IREB2: variants seen among roughly 807,000 people sequenced by gnomAD.
IREB2 encodes iron-responsive element-binding protein 2.
Under a neutral mutation model 118.8 loss-of-function variants are expected in IREB2, and 39 were observed. The observed-to-expected ratio is 0.33, with a 90% CI of 0.25 to 0.43. The LOEUF is 0.43. Among genes scored for constraint, IREB2 ranks in the 20% least tolerant of loss-of-function variants. The pLI is 1.00. For missense variants in IREB2, 900 were observed against 1,147.3 expected, an observed-to-expected ratio of 0.78 and a Z score of 3.11; for synonymous variants, 372 against 392.2, an observed-to-expected ratio of 0.95 and a Z score of 0.61.
At chr15:78,495,042 T>C (rs1213798157) in intron 20 of IREB2, among the ~76,000 whole-genome samples, 1 of 152,202 alleles carries the variant, frequency 6.6e-6, no homozygotes, top group Non-Finnish European at 1.5e-5. Flanking sequence ...GACTGTTTCC[T>C]TGTTGCAGAG....
At chr15:78,479,919 T>TTA (rs556070457) in intron 10 of IREB2, 3 of 135,718 alleles carry the variant, frequency 2.2e-5, no homozygotes, top group Non-Finnish European at 4.8e-5. Flanking sequence ...AGACAGTGTC[T>TTA]AAAAAAAAAA....
rs570097544 is a variant in IREB2, at chr15:78,494,867, C to T, written c.2595+603C>T. On this transcript the variant is annotated intron_variant, in intron 20 of 21. Coordinates refer to ENST00000258886, the MANE Select transcript of IREB2 (RefSeq NM_004136.4). The stretch of plus-strand genomic sequence containing the variant: ...GGATTACAGGCTTGAGCCATGTGCC[C>T]GGCCCCCACTGTTAATTTTACTTGC... Among the ~76,000 whole-genome samples the T allele has an allele frequency of 3.3e-3, 500 of 152,288 alleles. 4 individuals carry two copies. Among genetic ancestry groups the T allele is most frequent in the African/African-American group, 0.011 (466 of 41,548 alleles).
At chr15:78,447,332 A>ATT (rs778920348) in intron 2 of IREB2, among the ~76,000 whole-genome samples, 4,185 of 138,418 alleles carry the variant, frequency 0.03, 94 homozygotes, top group East Asian at 0.085. Context: ...CACCTGGCTA[A>ATT]TTTTTTTTTT....
intron 15 of IREB2, 55 bp downstream of exon 15, chr15:78,488,391 C>T (rs932905532): frequency 4.3e-6 from 6 of 1,403,566 alleles, no homozygotes; most frequent in South Asian, 2.9e-5. Context: ...CAATGGAAGT[C>T]GTTATATTTT....
chr15:78,463,602 G>A (rs1451784321), intron 3 of IREB2, among the ~76,000 whole-genome samples: 1 of 151,732 alleles, frequency 6.6e-6, no homozygotes, highest in African/African-American at 2.4e-5. Context: ...GCACTGTTTT[G>A]TACCATTTAT....
intron 2 of IREB2, among the ~76,000 whole-genome samples, chr15:78,444,332 GAATGA>G (rs1470577783): frequency 3.9e-5 from 6 of 152,140 alleles, no homozygotes; most frequent in African/African-American, 1.2e-4. Context: ...ATGGAAACAT[GAATGA>G]CTATGTTGAA....
chr15:78,457,356 C>G (rs531736504), intron 2 of IREB2, among the ~76,000 whole-genome samples: 2 of 152,204 alleles, frequency 1.3e-5, no homozygotes, highest in South Asian at 4.2e-4. Flanking sequence ...TTTGGAGACT[C>G]TCCAAGATTT....
At chr15:78,442,941 G>C (rs567865247) in intron 2 of IREB2, among the ~76,000 whole-genome samples, 25 of 152,166 alleles carry the variant, frequency 1.6e-4, no homozygotes, top group African/African-American at 5.8e-4. Context: ...AGGGGCTTTT[G>C]CCTCTTTGGC....
At chr15:78,486,175 G>T (rs1596011001) in intron 13 of IREB2, among the ~76,000 whole-genome samples, 1 of 152,328 alleles carries the variant, frequency 6.6e-6, no homozygotes, top group African/African-American at 2.4e-5. Flanking sequence ...TCTGTGAGTT[G>T]TGTAGGTCAG....
At chr15:78,492,237 C>T (rs532593850) in intron 18 of IREB2, among the ~76,000 whole-genome samples, 3 of 152,150 alleles carry the variant, frequency 2.0e-5, no homozygotes, top group African/African-American at 7.2e-5. Flanking sequence ...GTCACTAATC[C>T]AGTAGCAATA....
chr15:78,494,386 G>A, intron 20 of IREB2, 122 bp downstream of exon 20: 1 of 988,382 alleles, frequency 1.0e-6, no homozygotes, highest in Non-Finnish European at 1.5e-6. Context: ...TATAGGTATA[G>A]AGGGTTTTGT....
intron 9 of IREB2, among the ~76,000 whole-genome samples, chr15:78,476,975 A>G (rs1300887900): frequency 6.6e-6 from 1 of 152,210 alleles, no homozygotes; most frequent in Non-Finnish European, 1.5e-5. Context: ...TGAGGTAATC[A>G]TTGCTGAGTT....
intron 18 of IREB2, among the ~76,000 whole-genome samples, chr15:78,491,038 T>C (rs1404859532): frequency 6.6e-6 from 1 of 152,180 alleles, no homozygotes; most frequent in African/African-American, 2.4e-5. Context: ...AATAAGATTT[T>C]TCTTTTTCAG....
intron 2 of IREB2, among the ~76,000 whole-genome samples, chr15:78,441,683 T>G (rs2141442426): frequency 6.6e-6 from 1 of 152,350 alleles, no homozygotes; most frequent in African/African-American, 2.4e-5. Context: ...AGGGAATGAT[T>G]GATAATCTGA....
chr15:78,462,776 A>G (rs2051217793), intron 2 of IREB2, 146 bp from the exon 3 acceptor site: 2 of 568,974 alleles, frequency 3.5e-6, no homozygotes, highest in South Asian at 2.7e-5. Context: ...ATGGTGTTAC[A>G]CTCTAGTTTG....
intron 18 of IREB2, among the ~76,000 whole-genome samples, chr15:78,491,486 T>G (rs1216229509): frequency 6.6e-6 from 1 of 150,530 alleles, no homozygotes; most frequent in African/African-American, 2.4e-5. Context: ...ATTTATTTAT[T>G]TATGTATGTA....
At chr15:78,479,610 T>A (rs2141503536) in intron 10 of IREB2, among the ~76,000 whole-genome samples, 1 of 152,292 alleles carries the variant, frequency 6.6e-6, no homozygotes, top group Non-Finnish European at 1.5e-5. Flanking sequence ...ATTTCTACTT[T>A]ATGATAAGAG....
At chr15:78,443,381 G>T (rs1052507406) in intron 2 of IREB2, among the ~76,000 whole-genome samples, 1 of 152,142 alleles carries the variant, frequency 6.6e-6, no homozygotes, top group Non-Finnish European at 1.5e-5. Context: ...GGGAGTGGGT[G>T]GTGAGTGAAC....
chr15:78,457,590 C>A (rs2051126985), intron 2 of IREB2, among the ~76,000 whole-genome samples: 1 of 152,122 alleles, frequency 6.6e-6, no homozygotes, highest in Non-Finnish European at 1.5e-5. Context: ...AAATCTCAGG[C>A]AATCCTGATT....
Sources: gnomAD v4.1 joint callset for allele counts (sites outside exome capture counted in the v4.1 genomes callset) on GRCh38, gnomAD v4.1.1 for gene constraint, MANE v1.5 for transcripts, NCBI Gene and HGNC (gene_info 2026-07-23, HGNC 2026-07-21) for gene names.